The following SUMF1 variants were observed in gnomAD, a reference collection of about 807,000 sequenced individuals.
The protein encoded by SUMF1 is sulfatase modifying factor 1, also known as formylglycine-generating enzyme.
A neutral mutation model predicts 47.6 loss-of-function variants in SUMF1; 48 were observed. That is an observed-to-expected ratio of 1.01 (90% CI 0.80 to 1.28). The LOEUF (loss-of-function observed/expected upper bound fraction) is 1.28. Among genes scored for constraint, SUMF1 ranks in the 50% most tolerant of loss-of-function variants. The pLI, the probability that SUMF1 is intolerant of heterozygous loss-of-function variation, is 0.00. For synonymous variants in SUMF1, 230 were observed against 192.1 expected (o/e 1.20, Z -1.63); for missense variants, 571 against 485.4 (o/e 1.18, Z -1.66).
intron 8 of SUMF1, among the ~76,000 whole-genome samples, chr3:4,256,656 G>C (rs1696960524): frequency 6.6e-6 from 1 of 151,942 alleles, no homozygotes; most frequent in African/African-American, 2.4e-5. Context: ...TCCAGGACCA[G>C]ATGGATTCAC....
At chr3:4,201,537 T>C (rs1233272789) in intron 8 of SUMF1, among the ~76,000 whole-genome samples, 1 of 152,114 alleles carries the variant, frequency 6.6e-6, no homozygotes, top group Non-Finnish European at 1.5e-5. Context: ...TCTTTATCCA[T>C]TTATTGGTTG....
At chr3:4,086,613 A>G (rs1047589922) in intron 8 of SUMF1, among the ~76,000 whole-genome samples, 1 of 152,118 alleles carries the variant, frequency 6.6e-6, no homozygotes, top group African/African-American at 2.4e-5. Flanking sequence ...GCAAGTGGTT[A>G]GAGAACTGTA....
intron 8 of SUMF1, among the ~76,000 whole-genome samples, chr3:4,135,111 A>T (rs1693894153): frequency 6.6e-6 from 1 of 152,180 alleles, no homozygotes; most frequent in African/African-American, 2.4e-5. Flanking sequence ...AATCCTCCCT[A>T]ACTCATTTGA....
chr3:4,296,870 C>G (rs911984514), intron 8 of SUMF1, among the ~76,000 whole-genome samples: 47 of 152,230 alleles, frequency 3.1e-4, no homozygotes, highest in African/African-American at 1.0e-3. Flanking sequence ...CTGACTTAAC[C>G]TAAACCCAAA....
At chr3:4,045,902 C>T (rs193180208) in intron 9 of SUMF1, among the ~76,000 whole-genome samples, 105 of 152,162 alleles carry the variant, frequency 6.9e-4, no homozygotes, top group African/African-American at 2.3e-3. Flanking sequence ...GAATGATTCC[C>T]GAGCTGGGCA....
At chr3:4,039,438 G>T (rs1694869418) in intron 9 of SUMF1, among the ~76,000 whole-genome samples, 1 of 96,486 alleles carries the variant, frequency 1.0e-5, no homozygotes, top group African/African-American at 4.0e-5. Context: ...TGATCTCATT[G>T]TTCAATTCCC....
chr3:4,365,514 T>C lies in SUMF1; in HGVS notation c.1015-3260A>G, dbSNP rs886303243. On this transcript the variant is annotated intron_variant, in intron 8 of 8. Transcript: ENST00000272902. ...TTGATCTTTGTTGGTTTAAAGTCTG[T>C]TTTATCAGAGACTAGGATTGCAACC... 4.3e-4 allele frequency among the ~76,000 whole-genome samples: 60 copies of C among 138,698 alleles called. 2 individuals are homozygous for C. Among genetic ancestry groups the C allele is most frequent in the Non-Finnish European group, 8.9e-4 (55 of 61,720 alleles). 91.0% of individuals were successfully genotyped at this position (138,698 alleles called of 152,430 possible).
At chr3:4,398,349 A>G (rs753530038) in intron 7 of SUMF1, among the ~76,000 whole-genome samples, 1 of 152,146 alleles carries the variant, frequency 6.6e-6, no homozygotes, top group Non-Finnish European at 1.5e-5. Flanking sequence ...TAAAACTTCT[A>G]CGTGTGGATA....
At chr3:4,283,046 A>C (rs1428490344) in intron 8 of SUMF1, among the ~76,000 whole-genome samples, 1 of 152,216 alleles carries the variant, frequency 6.6e-6, no homozygotes, top group Non-Finnish European at 1.5e-5. Flanking sequence ...TTAGGAGCTC[A>C]GACTGTGGAC....
intron 8 of SUMF1, among the ~76,000 whole-genome samples, chr3:4,338,806 A>C (rs1237389891): frequency 1.3e-5 from 2 of 152,092 alleles, no homozygotes; most frequent in African/African-American, 4.8e-5. Context: ...CCTAGTACAC[A>C]GAGTCTTTCA....
chr3:4,368,538 G>A (rs146228740), intron 8 of SUMF1, among the ~76,000 whole-genome samples: 3,576 of 152,146 alleles, frequency 0.024, 124 homozygotes, highest in African/African-American at 0.08. Context: ...ACATGCACAC[G>A]TATGTTTATT....
In SUMF1 at chr3:4,182,562, A is replaced by C. The variant is rs543088686; in HGVS notation, c.1015-113817T>G. On this transcript the variant is annotated intron_variant and NMD_transcript_variant, in intron 8 of 12. Transcript: ENST00000448413. ...AAAGGAAATCTTAAGGGTCCCAAAG[A>C]GCTAGAATAGTTCAATAGGCTTTGT... 2.0e-4 allele frequency among the ~76,000 whole-genome samples: 30 copies of C among 152,172 alleles called. 2 individuals carry two copies. Among genetic ancestry groups the C allele is most frequent in the African/African-American group, 7.2e-4 (30 of 41,520 alleles).
intron 8 of SUMF1, among the ~76,000 whole-genome samples, chr3:4,325,831 A>G (rs952826490): frequency 1.3e-5 from 2 of 152,046 alleles, no homozygotes; most frequent in African/African-American, 2.4e-5. Flanking sequence ...TAGACAAATA[A>G]TAAAAACTGA....
At chr3:4,358,330 C>T (rs370730459), downstream of SUMF1, among the ~76,000 whole-genome samples, 4 of 151,864 alleles carry the variant, frequency 2.6e-5, no homozygotes, top group Non-Finnish European at 5.9e-5. Context: ...AATGAGAATT[C>T]GAAACCAACT....
At position 4,162,261 on chromosome 3, in the gene SUMF1, G is replaced by T. The variant is rs556017248; in HGVS notation, c.1015-93516C>A. Among the ~76,000 whole-genome samples the T allele has an allele frequency of 1.2e-4, 18 of 152,304 alleles. 1 individual carries two copies. The South Asian group carries it at 3.7e-3, about 32-fold the overall frequency. ...GGAGTTTCTTTTGGAGCAGCAAGCT[G>T]CGCTACCTGAGGTTGGGGGAGGAGT... On this transcript the variant is annotated intron_variant and NMD_transcript_variant, in intron 8 of 12. Transcript: ENST00000448413.
intron 8 of SUMF1, among the ~76,000 whole-genome samples, chr3:4,258,030 A>G (rs911991118): frequency 6.6e-6 from 1 of 151,962 alleles, no homozygotes; most frequent in African/African-American, 2.4e-5. Context: ...CCTATTTAAT[A>G]AATGGTGCTG....
At chr3:4,313,333 G>A (rs761676602) in intron 8 of SUMF1, 21 of 1,613,830 alleles carry the variant, frequency 1.3e-5, no homozygotes, top group Non-Finnish European at 1.7e-5. Context: ...AGCCATCAGG[G>A]AACATGTTTA....
chr3:4,290,480 G>A (rs1429323801), intron 8 of SUMF1, among the ~76,000 whole-genome samples: 2 of 152,154 alleles, frequency 1.3e-5, no homozygotes, highest in South Asian at 2.1e-4. Flanking sequence ...CTTGTGGACC[G>A]TAAGGGTATT....
At chr3:4,219,482 G>T (rs1696014655) in intron 8 of SUMF1, among the ~76,000 whole-genome samples, 1 of 152,118 alleles carries the variant, frequency 6.6e-6, no homozygotes, top group Admixed American at 6.6e-5. Context: ...AAAAAAACTG[G>T]TGACATAACT....
Sources: gnomAD v4.1 joint callset for allele counts (sites outside exome capture counted in the v4.1 genomes callset) on GRCh38, gnomAD v4.1.1 for gene constraint, MANE v1.5 for transcripts, NCBI Gene and HGNC (gene_info 2026-07-23, HGNC 2026-07-21) for gene names.